Variants in CCDC57 observed in about 807,000 individuals in gnomAD.
CCDC57 encodes coiled-coil domain containing 57.
Under a neutral mutation model 118.9 loss-of-function variants are expected in CCDC57, and 118 were observed. The ratio of observed to expected loss-of-function variants is 0.99; its 90% CI spans 0.86 to 1.16. The LOEUF is 1.16. Among genes scored for constraint, CCDC57 ranks in the 50% most tolerant of loss-of-function variants. The pLI is 0.00. For synonymous variants in CCDC57, 527 were observed against 532.9 expected (o/e 0.99, Z 0.15); for missense variants, 1,300 against 1,320.7 (o/e 0.98, Z 0.24).
rs1285115847 is a variant in CCDC57 at position 82,172,757 on chromosome 17, T to G, written c.1610A>C (p.Gln537Pro). 4.3e-6 allele frequency: 7 copies of G among 1,611,808 alleles called. No individual in the cohort carries two copies. The highest frequency in any genetic ancestry group is 1.7e-5 in the Admixed American group (1 of 59,720). Residue 537 changes from glutamine (Q) to proline (P), a missense_variant, in exon 12 of 20, where the codon CAG (glutamine) becomes CCG (proline). By Grantham distance (76) the Gln-to-Pro change is moderately conservative. Transcript: ENST00000665763. This position sits in a 1 kb window ranked among gnomAD's most constrained non-coding sequence, Gnocchi z 5.2. ...TAGAGCCTCCATTTCTTTCCTCATC[T>G]GGGCAATCGCGTTTCGCAAGCTCGT...
At chr17:82,104,561 C>T (rs1352899434) in intron 19 of CCDC57, among the ~76,000 whole-genome samples, 6 of 152,162 alleles carry the variant, frequency 3.9e-5, no homozygotes, top group Admixed American at 6.5e-5. Context: ...ATTTTTGAGA[C>T]GGAGTCTCAC....
At chr17:82,119,325 TC>T (rs1378929207) in intron 19 of CCDC57, among the ~76,000 whole-genome samples, 1 of 151,908 alleles carries the variant, frequency 6.6e-6, no homozygotes, top group Non-Finnish European at 1.5e-5. Flanking sequence ...CTTCTGAGAC[TC>T]CTGGGTTTTG....
chr17:82,154,703 A>G (rs1043654695), intron 15 of CCDC57: 1 of 147,938 alleles, frequency 6.8e-6, no homozygotes, highest in Non-Finnish European at 1.5e-5. Context: ...TGGTGTTTCT[A>G]CGGATGATGC....
At chr17:82,111,541 GTCT>G (rs1429403536) in intron 19 of CCDC57, among the ~76,000 whole-genome samples, 3 of 152,052 alleles carry the variant, frequency 2.0e-5, no homozygotes, top group East Asian at 1.9e-4. Flanking sequence ...ACCACATCCA[GTCT>G]TCTTATCTTT....
chr17:82,205,638 T>A (rs1261115809), intron 2 of CCDC57, among the ~76,000 whole-genome samples: 1 of 152,038 alleles, frequency 6.6e-6, no homozygotes, highest in Non-Finnish European at 1.5e-5. Flanking sequence ...ACTCAGCGGG[T>A]CACCCTGTTT....
At chr17:82,200,267 C>T (rs2048837797) in intron 3 of CCDC57, among the ~76,000 whole-genome samples, 1 of 152,138 alleles carries the variant, frequency 6.6e-6, no homozygotes, top group African/African-American at 2.4e-5. Context: ...CGTGGCAGAA[C>T]CCAGCGCACT....
chr17:82,109,263 C>T (rs1197449320), intron 19 of CCDC57, among the ~76,000 whole-genome samples: 3 of 152,176 alleles, frequency 2.0e-5, no homozygotes, highest in Non-Finnish European at 2.9e-5. Context: ...GCTGGGGTGG[C>T]GCAGAGCGGG....
intron 8 of CCDC57, among the ~76,000 whole-genome samples, chr17:82,184,281 C>T (rs923318371): frequency 5.3e-5 from 8 of 152,068 alleles, no homozygotes; most frequent in African/African-American, 1.9e-4. Context: ...CTCCCATGCC[C>T]ACAGAGCCCA....
At chr17:82,105,404 T>C (rs2034775653) in intron 19 of CCDC57, among the ~76,000 whole-genome samples, 1 of 152,142 alleles carries the variant, frequency 6.6e-6, no homozygotes, top group Admixed American at 6.5e-5. Context: ...GAACAAGGCT[T>C]TTCCCACCAC....
At chr17:82,210,815 G>C (rs1186796045) in intron 1 of CCDC57, among the ~76,000 whole-genome samples, 1 of 151,130 alleles carries the variant, frequency 6.6e-6, no homozygotes, top group Non-Finnish European at 1.5e-5. Flanking sequence ...CCAACATGAC[G>C]AAACCTCGTC....
intron 3 of CCDC57, among the ~76,000 whole-genome samples, chr17:82,200,780 T>G (rs8079389): frequency 0.49 from 74,455 of 151,576 alleles, 19,076 homozygotes; most frequent in East Asian, 0.88. Flanking sequence ...ACAACACAGC[T>G]AAAAACTCTG....
At chr17:82,148,340 GAT>G in intron 16 of CCDC57, among the ~76,000 whole-genome samples, 1 of 54,132 alleles carries the variant, frequency 1.8e-5, no homozygotes, top group Non-Finnish European at 3.5e-5. Flanking sequence ...TGGATGGATG[GAT>G]GGATAGGTGG....
chr17:82,159,595 T>C (rs2043073550), intron 14 of CCDC57, among the ~76,000 whole-genome samples: 2 of 152,210 alleles, frequency 1.3e-5, no homozygotes, highest in Non-Finnish European at 2.9e-5. Flanking sequence ...ATTAGCCTCA[T>C]TTAGCCCTTC....
chr17:82,207,166 C>T (rs577240658), intron 2 of CCDC57, among the ~76,000 whole-genome samples: 20 of 152,168 alleles, frequency 1.3e-4, no homozygotes, highest in Non-Finnish European at 1.8e-4. Flanking sequence ...CACGGCAAAA[C>T]GCTGCCTCTA....
Position 82,172,609 on chromosome 17 carries a change from C to CGCTCTGT in CCDC57, c.1729+22_1729+28dup. On this transcript the variant is annotated intron_variant, in intron 12 of 19. Transcript: ENST00000665763. This position sits in a 1 kb window ranked among gnomAD's most constrained non-coding sequence, Gnocchi z 5.2. ...TCCCTCCCTCTCCCCCTTCCTCTCC[C>CGCTCTGT]GCTCTGTCCGTTTCTCCCACTTACT... 6.5e-7 allele frequency: 1 copy of CGCTCTGT among 1,539,636 alleles called. No homozygotes were observed. Among genetic ancestry groups the CGCTCTGT allele is most frequent in the Non-Finnish European group, 8.8e-7 (1 of 1,137,846 alleles).
At chr17:82,129,863 C>A (rs1242251716) in intron 17 of CCDC57, among the ~76,000 whole-genome samples, 3 of 151,974 alleles carry the variant, frequency 2.0e-5, no homozygotes, top group African/African-American at 7.3e-5. Context: ...TGTACTCCAG[C>A]CTGGGCAACA....
At chr17:82,174,623 GT>G (rs1407888324) in intron 11 of CCDC57, among the ~76,000 whole-genome samples, 1 of 152,230 alleles carries the variant, frequency 6.6e-6, no homozygotes, top group Non-Finnish European at 1.5e-5. Flanking sequence ...AACGTCTGAA[GT>G]TCCCAGGATT....
chr17:82,147,664 G>C (rs1308374140), intron 16 of CCDC57, among the ~76,000 whole-genome samples: 101 of 130,054 alleles, frequency 7.8e-4, no homozygotes, highest in South Asian at 1.0e-3. Flanking sequence ...TACATGGAAG[G>C]GTGGGTGGGT....
chr17:82,104,233 T>C (rs1266448915), intron 19 of CCDC57, among the ~76,000 whole-genome samples: 1 of 152,260 alleles, frequency 6.6e-6, no homozygotes, highest in Non-Finnish European at 1.5e-5. Flanking sequence ...CTTTCTGCGT[T>C]GGGCTGACTG....
Sources: gnomAD v4.1 joint callset for allele counts (sites outside exome capture counted in the v4.1 genomes callset) on GRCh38, gnomAD v4.1.1 for gene constraint, Gnocchi (gnomAD v3.1) non-coding constraint, MANE v1.5 for transcripts, NCBI Gene and HGNC (gene_info 2026-07-23, HGNC 2026-07-21) for gene names.